OTOGL: variants seen among roughly 807,000 people sequenced by gnomAD.
OTOGL encodes otogelin like, also known as otogelin-like protein.
Under a neutral mutation model 318.5 loss-of-function variants are expected in OTOGL, and 285 were observed. The ratio of observed to expected loss-of-function variants is 0.89; its 90% confidence interval spans 0.81 to 0.99. OTOGL has a LOEUF of 0.99. Among genes scored for constraint, OTOGL ranks in the 50% least tolerant of loss-of-function variants. The pLI, the probability that OTOGL is intolerant of heterozygous loss-of-function variation, is 0.00. For synonymous variants in OTOGL, 987 were observed against 936.5 expected (o/e 1.05, Z -0.99); for missense variants, 2,899 against 2,845.6 (o/e 1.02, Z -0.43).
chr12:80,274,530 T>C (rs1029716914), intron 24 of OTOGL, among the ~76,000 whole-genome samples: 1 of 151,982 alleles, frequency 6.6e-6, no homozygotes, highest in Non-Finnish European at 1.5e-5. Flanking sequence ...AACATAAAAG[T>C]GCAAGTGCTG....
At chr12:80,173,157 A>T (rs1435510806) in intron 1 of OTOGL, among the ~76,000 whole-genome samples, 4 of 150,678 alleles carry the variant, frequency 2.7e-5, no homozygotes, top group Non-Finnish European at 4.4e-5. Context: ...TATTTACTTT[A>T]TAAGATTCAT....
At chr12:80,246,153 T>C (rs1880861746) in intron 11 of OTOGL, among the ~76,000 whole-genome samples, 1 of 151,312 alleles carries the variant, frequency 6.6e-6, no homozygotes, top group African/African-American at 2.5e-5. Flanking sequence ...ATACCCTTTA[T>C]TTCCTTCTCC....
At chr12:80,223,068 T>C (rs529356964) in intron 7 of OTOGL, among the ~76,000 whole-genome samples, 3 of 152,146 alleles carry the variant, frequency 2.0e-5, no homozygotes, top group African/African-American at 7.2e-5. Context: ...CCAAAGTCCA[T>C]TGTGTAATTC....
At chr12:80,305,775 AG>A in intron 29 of OTOGL, 80 bp downstream of exon 29, 1 of 1,123,202 alleles carries the variant, frequency 8.9e-7, no homozygotes, top group Non-Finnish European at 1.2e-6. Flanking sequence ...ATTCTTATTT[AG>A]GTAATATTAT....
intron 1 of OTOGL, chr12:80,131,156 A>G (rs996071477): frequency 1.3e-5 from 2 of 150,602 alleles, no homozygotes; most frequent in African/African-American, 4.9e-5. Context: ...GGTCACTACC[A>G]CTACCGCTGC....
At chr12:80,237,345 C>T (rs1444631227) in intron 9 of OTOGL, among the ~76,000 whole-genome samples, 2 of 151,760 alleles carry the variant, frequency 1.3e-5, no homozygotes, top group Non-Finnish European at 2.9e-5. Flanking sequence ...CAATAGCAGC[C>T]ATTAAAGAAA....
rs1310711516 is a variant in OTOGL at position 80,269,622 on chromosome 12, T to C, written c.2466-480T>C. 2.6e-5 allele frequency among the ~76,000 whole-genome samples: 4 copies of C among 152,208 alleles called. No homozygotes were observed. In the East Asian group the frequency reaches 5.8e-4, roughly 22 times the overall value. ...GTTTATGTGTTTCCACTGAGTGTTA[T>C]AGCCTTCCTACCTTAGGTGTGCCAT... On this transcript the variant is annotated intron_variant, in intron 22 of 58. Transcript: ENST00000547103.
chr12:80,154,233 C>T (rs888445826), intron 1 of OTOGL, among the ~76,000 whole-genome samples: 8 of 151,980 alleles, frequency 5.3e-5, no homozygotes, highest in East Asian at 1.9e-4. Context: ...CTTTTGAACC[C>T]GGGAGGTGGA....
At chr12:80,140,955 A>C (rs1039819420) in intron 1 of OTOGL, among the ~76,000 whole-genome samples, 1 of 152,174 alleles carries the variant, frequency 6.6e-6, no homozygotes, top group African/African-American at 2.4e-5. Flanking sequence ...CTAACTTACC[A>C]AATATACCTT....
chr12:80,137,950 G>C (rs1871681576), intron 1 of OTOGL, among the ~76,000 whole-genome samples: 1 of 152,168 alleles, frequency 6.6e-6, no homozygotes, highest in African/African-American at 2.4e-5. Flanking sequence ...CTTTTAGATA[G>C]AGGAGCTAAA....
intron 1 of OTOGL, among the ~76,000 whole-genome samples, chr12:80,165,653 T>C (rs1366797953): frequency 6.6e-6 from 1 of 152,236 alleles, no homozygotes; most frequent in East Asian, 1.9e-4. Context: ...ATTCCTGCCC[T>C]GCGGGCCTGA....
intron 46 of OTOGL, among the ~76,000 whole-genome samples, chr12:80,354,166 G>T (rs1889731809): frequency 6.6e-6 from 1 of 152,154 alleles, no homozygotes; most frequent in Non-Finnish European, 1.5e-5. Context: ...TGTGAGACTA[G>T]ATTAGTTCTA....
intron 27 of OTOGL, among the ~76,000 whole-genome samples, chr12:80,300,223 T>C (rs554057413): frequency 6.6e-6 from 1 of 150,904 alleles, no homozygotes; most frequent in Non-Finnish European, 1.5e-5. Flanking sequence ...TTTTTAATCA[T>C]CATTTAATGC....
At chr12:80,189,395 A>G (rs1875521018) in intron 1 of OTOGL, 1 of 980,370 alleles carries the variant, frequency 1.0e-6, no homozygotes, top group Non-Finnish European at 1.2e-6. Context: ...CCAGTCTTTG[A>G]CCAATTGACC....
intron 1 of OTOGL, chr12:80,131,223 C>G (rs1871221054): frequency 6.6e-6 from 1 of 152,234 alleles, no homozygotes; most frequent in South Asian, 2.1e-4. Context: ...ATTCAAAGTC[C>G]TACCCATAGA....
chr12:80,251,048 A>C (rs1170307364), intron 11 of OTOGL, among the ~76,000 whole-genome samples: 1 of 152,238 alleles, frequency 6.6e-6, no homozygotes, highest in Non-Finnish European at 1.5e-5. Context: ...TTTAAATCTT[A>C]AATGCCATTT....
intron 26 of OTOGL, among the ~76,000 whole-genome samples, chr12:80,280,518 A>AGCC (rs1424304363): frequency 6.6e-6 from 1 of 151,950 alleles, no homozygotes; most frequent in Non-Finnish European, 1.5e-5. Flanking sequence ...GCATATGGCT[A>AGCC]GCTGGTTATC....
chr12:80,367,743 A>G lies in OTOGL; in HGVS notation c.6510+4A>G. The G allele has an allele frequency of 2.2e-6, 3 of 1,378,502 alleles. No individual in the cohort carries two copies. Among genetic ancestry groups the G allele is most frequent in the Non-Finnish European group, 2.9e-6 (3 of 1,049,562 alleles). The allele number at this position is 1,378,502 out of a possible 1,614,324, so 85.4% of individuals were successfully genotyped here. The stretch of plus-strand genomic sequence containing the variant: ...TTGTTCAAAAAAATGTGATGTTGTA[A>G]GTATTCCTTGTAATTTATTCTGGTG... On this transcript the variant is annotated splice_donor_region_variant and intron_variant, in intron 54 of 58. Coordinates refer to ENST00000547103, the MANE Select transcript of OTOGL (RefSeq NM_001378609.3).
chr12:80,299,773 G>A (rs1885641262), intron 27 of OTOGL, among the ~76,000 whole-genome samples: 1 of 152,086 alleles, frequency 6.6e-6, no homozygotes, highest in Admixed American at 6.5e-5. Context: ...ACTAGAGTTT[G>A]TTTAAAGTGC....
Sources: gnomAD v4.1 joint callset for allele counts (sites outside exome capture counted in the v4.1 genomes callset) on GRCh38, gnomAD v4.1.1 for gene constraint, MANE v1.5 for transcripts, NCBI Gene and HGNC (gene_info 2026-07-23, HGNC 2026-07-21) for gene names.